Variants in FAM186A observed in about 807,000 individuals in gnomAD.
FAM186A encodes protein FAM186A.
In FAM186A, 163 loss-of-function variants were observed where a neutral mutation model predicts 216.8. The ratio of observed to expected loss-of-function variants is 0.75; its 90% CI spans 0.66 to 0.86. FAM186A has a LOEUF of 0.86. Among genes scored for constraint, FAM186A ranks in the 40% least tolerant of loss-of-function variants. The pLI, the probability that FAM186A is intolerant of heterozygous loss-of-function variation, is 0.00. For synonymous variants in FAM186A, 805 were observed against 1,025.3 expected (o/e 0.79, Z 4.10); for missense variants, 2,184 against 2,746.2 (o/e 0.80, Z 4.58).
chr12:50,336,829 T>G (rs1301114532), intron 4 of FAM186A, among the ~76,000 whole-genome samples: 4 of 151,932 alleles, frequency 2.6e-5, no homozygotes, highest in Admixed American at 2.6e-4. Flanking sequence ...TCTTATTTTT[T>G]TTTTTGGTAG....
In FAM186A at chr12:50,355,221, A is replaced by T. The variant is rs754976922; in HGVS notation, c.1611T>A (p.Ser537Arg). 2 of 1,551,544 alleles carry T rather than the reference A, an allele frequency of 1.3e-6. No homozygotes were observed. The highest frequency in any genetic ancestry group is 3.9e-5 in the Admixed American group (2 of 50,992). ...LTETKSQGGK[S>R]GTSMMMLEQF... ...GCTCCAACATCATCATACTTGTTCC[A>T]CTTTTGCCACCTTGGCTCTTTGTTT... The change falls in exon 4 of 8, where the codon AGT (serine) becomes AGA (arginine). Residue 537 changes from serine (S) to arginine (R), a missense_variant. Ser to Arg is a moderately radical substitution (Grantham distance 110). This residue lies in a region of FAM186A where 1,132 missense variants were observed against 1,263.4 expected (regional missense o/e 0.90). Transcript: ENST00000327337.
chr12:50,380,427 G>A (rs1943243027), intron 1 of FAM186A, among the ~76,000 whole-genome samples: 1 of 149,220 alleles, frequency 6.7e-6, no homozygotes, highest in Non-Finnish European at 1.5e-5. Flanking sequence ...TGTAATCCCT[G>A]CACTTTGGGA....
At chr12:50,333,294 G>A (rs1448412529) in intron 5 of FAM186A, among the ~76,000 whole-genome samples, 1 of 152,108 alleles carries the variant, frequency 6.6e-6, no homozygotes, top group Non-Finnish European at 1.5e-5. Context: ...CACTTTGGGA[G>A]GTTGAGGCGG....
Position 50,363,236 on chromosome 12 carries a change from G to A in FAM186A, c.321C>T (p.Thr107=). ...SLTEHKKKQR[T]NFLEKMATYA... is the part of the protein sequence containing the mutation. ...AAGTAGCCATTTTCTCAAGAAAATT[G>A]GTTCTCTGTTTTTTCTTATGTTCTG... The change falls in exon 2 of 8, where the codon ACC becomes ACT. Residue 107 remains threonine (T), a synonymous_variant. Coordinates refer to ENST00000327337, the MANE Select transcript of FAM186A (RefSeq NM_001145475.3). 1 of 1,551,478 alleles carries A rather than the reference G, an allele frequency of 6.4e-7. No homozygotes were observed. Among genetic ancestry groups the A allele is most frequent in the African/African-American group, 1.4e-5 (1 of 73,148 alleles).
At chr12:50,366,161 A>G (rs1943085741) in intron 1 of FAM186A, 2 of 593,550 alleles carry the variant, frequency 3.4e-6, no homozygotes, top group Admixed American at 3.0e-5. Context: ...ATTTTGCCAA[A>G]CAAATCATCA....
intron 1 of FAM186A, among the ~76,000 whole-genome samples, chr12:50,370,123 CAAAA>C (rs56403101): frequency 2.9e-4 from 11 of 38,440 alleles, no homozygotes; most frequent in African/African-American, 3.9e-4. Flanking sequence ...GACTCCATCT[CAAAA>C]AAAAAAAAAA....
chr12:50,388,115 C>T (rs1943320828), intron 1 of FAM186A, among the ~76,000 whole-genome samples: 1 of 152,102 alleles, frequency 6.6e-6, no homozygotes, highest in African/African-American at 2.4e-5. Context: ...GCAGCTTGAC[C>T]TTCAGCGGCT....
At chr12:50,387,708 C>T (rs963393893) in intron 1 of FAM186A, among the ~76,000 whole-genome samples, 1 of 152,154 alleles carries the variant, frequency 6.6e-6, no homozygotes, top group African/African-American at 2.4e-5. Flanking sequence ...ACGTTGTCTC[C>T]TCCTTACTGT....
At chr12:50,390,013 G>A (rs1184016041) in intron 1 of FAM186A, among the ~76,000 whole-genome samples, 3 of 152,158 alleles carry the variant, frequency 2.0e-5, no homozygotes, top group Non-Finnish European at 2.9e-5. Flanking sequence ...CACAGGTAAG[G>A]GAGTCAGTGT....
chr12:50,381,181 C>A (rs1037672438), intron 1 of FAM186A, among the ~76,000 whole-genome samples: 3 of 152,232 alleles, frequency 2.0e-5, no homozygotes, highest in Non-Finnish European at 4.4e-5. Flanking sequence ...TCTTCTCTTT[C>A]TCTCTTCTTT....
At position 50,360,716 on chromosome 12, in the gene FAM186A, C is replaced by T. The variant is rs763166356; in HGVS notation, c.583+40G>A. Reference sequence around the variant, plus strand: ...GTTGTTTCTCTAAGAAAAAGTCAAACTCCATCTACTCCAACTCCAAAATCA... The same window carrying T: ...GTTGTTTCTCTAAGAAAAAGTCAAATTCCATCTACTCCAACTCCAAAATCA... On this transcript the variant is annotated intron_variant, in intron 3 of 7. Transcript: ENST00000327337. 10 of 1,431,374 alleles carry T rather than the reference C, an allele frequency of 7.0e-6. No homozygotes were observed. The African/African-American group carries it at 1.5e-4, about 21-fold the overall frequency. 88.7% of individuals were successfully genotyped at this position (1,431,374 alleles called of 1,614,324 possible).
intron 4 of FAM186A, 125 bp downstream of exon 4, chr12:50,350,204 C>T (rs1207126291): frequency 3.5e-6 from 3 of 860,740 alleles, no homozygotes; most frequent in Non-Finnish European, 5.2e-6. Context: ...TTCCCATAGA[C>T]CTTATATAAG....
At chr12:50,360,972 T>C in intron 2 of FAM186A, 46 bp from the exon 3 acceptor site, 1 of 1,407,828 alleles carries the variant, frequency 7.1e-7, no homozygotes, top group East Asian at 2.5e-5. Context: ...GAAAAATAAA[T>C]AACTATAGCT....
chr12:50,390,859 G>C (rs1296046187), intron 1 of FAM186A, among the ~76,000 whole-genome samples: 3 of 152,046 alleles, frequency 2.0e-5, no homozygotes, highest in Non-Finnish European at 2.9e-5. Flanking sequence ...CTGGCTAATT[G>C]TTGTATGTTT....
chr12:50,373,070 A>G lies in FAM186A; in HGVS notation c.193-9706T>C, dbSNP rs1400041121. ...AAGAAAGAAAGAAAGAAAGAAAGAA[A>G]GAAAGAGAAAAGAAAGAAAGAAAGA... On this transcript the variant is annotated intron_variant, in intron 1 of 7. Coordinates refer to ENST00000327337, the MANE Select transcript of FAM186A (RefSeq NM_001145475.3). Among the ~76,000 whole-genome samples the G allele has an allele frequency of 4.1e-5, 6 of 147,314 alleles. No individual in the cohort carries two copies. The South Asian group carries it at 1.1e-3, about 26-fold the overall frequency.
At chr12:50,365,265 T>C (rs1943077153) in intron 1 of FAM186A, among the ~76,000 whole-genome samples, 1 of 152,172 alleles carries the variant, frequency 6.6e-6, no homozygotes, top group Non-Finnish European at 1.5e-5. Context: ...AGCCTCCATT[T>C]GTGTCTTTCA....
At chr12:50,346,246 A>AAAGC (rs1942815146) in intron 4 of FAM186A, among the ~76,000 whole-genome samples, 2 of 149,922 alleles carry the variant, frequency 1.3e-5, no homozygotes, top group Admixed American at 6.7e-5. Context: ...AAAAAGAAAG[A>AAAGC]AAGAAAGAAA....
rs781193800 is a variant in FAM186A, at chr12:50,363,275, C to G, written c.282G>C (p.Arg94Ser). The part of the protein sequence containing the change: ...YTLVFNSSSE[R>S]NVSLTEHKKK... ...TCTTATGTTCTGTAAGGGAGACATT[C>G]CTTTCAGAGGACGAGTTAAAAACAA... is the stretch of plus-strand genomic sequence containing the variant. The change falls in exon 2 of 8, where the codon AGG becomes AGC. Residue 94 changes from arginine to serine, a missense_variant. By Grantham distance (110) the Arg-to-Ser change is moderately radical. Coordinates refer to ENST00000327337, the MANE Select transcript of FAM186A (RefSeq NM_001145475.3). The G allele has an allele frequency of 4.4e-5, 69 of 1,551,420 alleles. No individual in the cohort carries two copies. The highest frequency in any genetic ancestry group is 5.8e-5 in the Non-Finnish European group (67 of 1,146,952).
chr12:50,328,510 A>ATTTTTTTT (rs1320008015), intron 7 of FAM186A, among the ~76,000 whole-genome samples: 190 of 148,148 alleles, frequency 1.3e-3, no homozygotes, highest in African/African-American at 4.3e-3. Flanking sequence ...TTTATTTTTT[A>ATTTTTTTT]TTTTATTTTA....
Sources: gnomAD v4.1 joint callset for allele counts (sites outside exome capture counted in the v4.1 genomes callset) on GRCh38, gnomAD v4.1.1 for gene constraint, gnomAD v4.1.1 regional missense constraint, MANE v1.5 for transcripts, NCBI Gene and HGNC (gene_info 2026-07-23, HGNC 2026-07-21) for gene names.